SGPP2: variants seen among roughly 807,000 people sequenced by gnomAD.
SGPP2 encodes sphingosine-1-phosphate phosphatase 2, also known as sphingosine 1-phosphate phosphohydrolase 2.
SGPP2 carries 30 observed loss-of-function variants against 33.9 expected under a neutral mutation model. That is an observed-to-expected ratio of 0.89 (90% CI 0.66 to 1.20). The LOEUF (loss-of-function observed/expected upper bound fraction) is 1.20, where lower values mean the gene tolerates loss of function less well. Among genes scored for constraint, SGPP2 ranks in the 50% most tolerant of loss-of-function variants. The probability of loss-of-function intolerance (pLI) is 0.00; values close to 1 mark genes in which losing one functional copy is unlikely to be tolerated. For synonymous variants in SGPP2, 233 were observed against 225.0 expected (o/e 1.04, Z -0.32); for missense variants, 458 against 532.1 (o/e 0.86, Z 1.37).
At chr2:222,466,279 G>A (rs184167443) in intron 1 of SGPP2, among the ~76,000 whole-genome samples, 4,534 of 71,944 alleles carry the variant, frequency 0.063, 228 homozygotes, top group African/African-American at 0.21. Context: ...TTTTTTTTTA[G>A]ACAGAGTCTC....
intron 1 of SGPP2, among the ~76,000 whole-genome samples, chr2:222,432,090 A>G (rs991417597): frequency 6.6e-6 from 1 of 152,240 alleles, no homozygotes; most frequent in African/African-American, 2.4e-5. Context: ...AGAAGATAGC[A>G]GTCAATTTCA....
At chr2:222,523,540 C>T (rs1698716620) in intron 3 of SGPP2, among the ~76,000 whole-genome samples, 2 of 152,126 alleles carry the variant, frequency 1.3e-5, no homozygotes, top group South Asian at 4.1e-4. Context: ...GCCACCCAGT[C>T]CTCCTTAAAA....
At chr2:222,513,124 C>T (rs1415532060) in intron 2 of SGPP2, among the ~76,000 whole-genome samples, 1 of 152,178 alleles carries the variant, frequency 6.6e-6, no homozygotes, top group African/African-American at 2.4e-5. Context: ...TGTTCCACAT[C>T]CTTGTCAGCA....
intron 2 of SGPP2, among the ~76,000 whole-genome samples, chr2:222,509,149 A>G (rs1237860469): frequency 6.6e-6 from 1 of 152,134 alleles, no homozygotes; most frequent in Non-Finnish European, 1.5e-5. Flanking sequence ...AAGACTGAAC[A>G]TTGAATAGAC....
intron 1 of SGPP2, among the ~76,000 whole-genome samples, chr2:222,431,481 A>G (rs1242636641): frequency 5.3e-5 from 8 of 152,134 alleles, no homozygotes; most frequent in Admixed American, 5.2e-4. Flanking sequence ...ACTCCATTCT[A>G]GGTGACAGAG....
chr2:222,440,632 C>T (rs540744033), intron 1 of SGPP2, among the ~76,000 whole-genome samples: 12 of 152,188 alleles, frequency 7.9e-5, no homozygotes, highest in Non-Finnish European at 7.4e-5. Flanking sequence ...TGAGCCACCA[C>T]GCCTGGCTGT....
chr2:222,466,639 C>G (rs1243118780), intron 1 of SGPP2, among the ~76,000 whole-genome samples: 4 of 152,094 alleles, frequency 2.6e-5, no homozygotes, highest in Non-Finnish European at 4.4e-5. Context: ...AGGATTCTGA[C>G]AGTAGTGCAA....
At chr2:222,557,362 T>C (rs1458584471) in intron 4 of SGPP2, among the ~76,000 whole-genome samples, 3 of 152,230 alleles carry the variant, frequency 2.0e-5, no homozygotes, top group African/African-American at 7.2e-5. Context: ...TCTGTGAAAC[T>C]TGCTGTTGCC....
chr2:222,488,275 A>G (rs568045382), intron 2 of SGPP2, among the ~76,000 whole-genome samples: 1 of 152,312 alleles, frequency 6.6e-6, no homozygotes, highest in East Asian at 1.9e-4. Context: ...CTGGTACTGT[A>G]GCCTGTTAGG....
At chr2:222,466,312 G>A (rs1377255886) in intron 1 of SGPP2, among the ~76,000 whole-genome samples, 2 of 139,980 alleles carry the variant, frequency 1.4e-5, no homozygotes, top group African/African-American at 5.4e-5. Flanking sequence ...AGGCTGGAGT[G>A]CAGTGGCGCA....
rs375422721 is a variant in SGPP2 at position 222,449,549 on chromosome 2, A to G, written c.219+24728A>G. On this transcript the variant is annotated intron_variant, in intron 1 of 4. Coordinates refer to ENST00000321276, the MANE Select transcript of SGPP2 (RefSeq NM_152386.4). ...CAGTGGTGCGATCTCAACTCACTGC[A>G]ACCTCTGCCTCCCAAGTTCAAGTGA... is the stretch of plus-strand genomic sequence containing the variant. Among the ~76,000 whole-genome samples, 256 of 150,452 alleles carry G rather than the reference A, an allele frequency of 1.7e-3. 2 individuals are homozygous for G. In the Middle Eastern group the frequency reaches 0.017, roughly 10 times the overall value.
chr2:222,549,870 TTTC>T (rs1467025054), intron 4 of SGPP2, among the ~76,000 whole-genome samples: 2 of 151,272 alleles, frequency 1.3e-5, no homozygotes, highest in Admixed American at 6.6e-5. Context: ...TGCTTTTTCT[TTTC>T]TTTTCTTTTC....
chr2:222,424,762 GC>G lies in SGPP2; in HGVS notation c.162del (p.Asn55ThrfsTer27). On this transcript the variant is annotated frameshift_variant, in exon 1 of 5. Transcript: ENST00000321276. LOFTEE classifies it high-confidence loss of function. ...RVPGVEHLPA[A>X]NGKGGEAPAN... ...CCCCGGGGTCGAGCATCTCCCCGCA[GC>G]CAACGGCAAGGGCGGCGAGGCTCCG... The G allele has an allele frequency of 7.1e-7, 1 of 1,409,314 alleles. No individual in the cohort carries two copies. The highest frequency in any genetic ancestry group is 1.5e-5 in the African/African-American group (1 of 66,982). The allele number at this position is 1,409,314 out of a possible 1,614,324, so 87.3% of individuals were successfully genotyped here.
At chr2:222,551,623 A>G (rs1159706041) in intron 4 of SGPP2, among the ~76,000 whole-genome samples, 1 of 152,216 alleles carries the variant, frequency 6.6e-6, no homozygotes, top group Non-Finnish European at 1.5e-5. Flanking sequence ...CTTTATTACA[A>G]TATCACCTTT....
intron 4 of SGPP2, among the ~76,000 whole-genome samples, chr2:222,540,136 T>C (rs1482259836): frequency 1.3e-5 from 2 of 151,940 alleles, no homozygotes; most frequent in Non-Finnish European, 2.9e-5. Context: ...AAACTAGGAG[T>C]GTTTTGGATT....
intron 1 of SGPP2, among the ~76,000 whole-genome samples, chr2:222,434,103 T>C (rs1179979437): frequency 1.3e-5 from 2 of 152,194 alleles, no homozygotes; most frequent in Non-Finnish European, 2.9e-5. Flanking sequence ...CTGTCACAGT[T>C]TCCAGGCAAC....
At chr2:222,487,827 A>G (rs1574856690) in intron 2 of SGPP2, among the ~76,000 whole-genome samples, 1 of 152,174 alleles carries the variant, frequency 6.6e-6, no homozygotes, top group Admixed American at 6.5e-5. Context: ...CATGCAGTTT[A>G]TATAGCATGT....
At chr2:222,428,254 T>C (rs889330939) in intron 1 of SGPP2, among the ~76,000 whole-genome samples, 8 of 152,170 alleles carry the variant, frequency 5.3e-5, no homozygotes, top group African/African-American at 1.9e-4. Context: ...TTTTTGGTTA[T>C]TGCTTTGGGA....
At chr2:222,490,870 T>C (rs990955617) in intron 2 of SGPP2, among the ~76,000 whole-genome samples, 5 of 152,194 alleles carry the variant, frequency 3.3e-5, no homozygotes, top group African/African-American at 1.2e-4. Context: ...TCATCAGGCC[T>C]AGGTTTCCAC....
Sources: allele counts gnomAD v4.1 joint callset (sites outside exome capture counted in the v4.1 genomes callset), GRCh38; gene constraint gnomAD v4.1.1; transcripts MANE v1.5; gene names NCBI Gene and HGNC (gene_info 2026-07-23, HGNC 2026-07-21).